The following DUOXA1 variants were observed in gnomAD, a reference collection of about 807,000 sequenced individuals.
DUOXA1 encodes dual oxidase maturation factor 1.
Under a neutral mutation model 26.6 loss-of-function variants are expected in DUOXA1, and 19 were observed. The observed-to-expected ratio is 0.71, with a 90% confidence interval of 0.50 to 1.05. The LOEUF (loss-of-function observed/expected upper bound fraction) is 1.05, where lower values mean the gene tolerates loss of function less well. DUOXA1 is among the 50% of genes least tolerant of loss of function. The pLI, the probability that DUOXA1 is intolerant of heterozygous loss-of-function variation, is 0.00. For missense variants in DUOXA1, 403 were observed against 427.5 expected (o/e 0.94, Z 0.51); for synonymous variants, 166 against 177.0 (o/e 0.94, Z 0.49).
At chr15:45,119,652 C>G (rs1894963421) in intron 8 of DUOXA1, among the ~76,000 whole-genome samples, 1 of 151,758 alleles carries the variant, frequency 6.6e-6, no homozygotes, top group East Asian at 1.9e-4. Context: ...AGAAAAAAAC[C>G]CTGGGGAAGG....
chr15:45,118,277 A>G lies in DUOXA1; in HGVS notation c.*829T>C, dbSNP rs1245202291. ...CCTCTAGTGAGGCCGGAGGGACCCT[A>G]CCAGAGCTAGCATCTTTCTGAACCA... is the stretch of plus-strand genomic sequence containing the variant. On this transcript the variant is annotated 3_prime_UTR_variant, in exon 9 of 9. Coordinates refer to ENST00000560572, the MANE Select transcript of DUOXA1 (RefSeq NM_001276266.2). 9 of 1,359,668 alleles carry G rather than the reference A, an allele frequency of 6.6e-6. No individual in the cohort carries two copies. The highest frequency in any genetic ancestry group is 8.5e-6 in the Non-Finnish European group (9 of 1,061,656). The allele number at this position is 1,359,668 out of a possible 1,614,324, so 84.2% of individuals were successfully genotyped here.
intron 8 of DUOXA1, 61 bp downstream of exon 8, chr15:45,120,042 C>T (rs1379996630): frequency 8.8e-6 from 14 of 1,591,224 alleles, no homozygotes; most frequent in Non-Finnish European, 1.1e-5. Flanking sequence ...ACATGATGCC[C>T]CCAGGCCCTC....
intron 3 of DUOXA1, among the ~76,000 whole-genome samples, chr15:45,126,078 C>G (rs576180692): frequency 1.3e-5 from 2 of 152,178 alleles, no homozygotes; most frequent in African/African-American, 4.8e-5. Flanking sequence ...ACACCTGGAC[C>G]ATCTTACCTC....
chr15:45,117,550 G>A lies in DUOXA1; in HGVS notation c.*1556C>T. 3 of 1,577,544 alleles carry A rather than the reference G, an allele frequency of 1.9e-6. No homozygotes were observed. Among genetic ancestry groups the A allele is most frequent in the Non-Finnish European group, 2.6e-6 (3 of 1,160,768 alleles). On this transcript the variant is annotated 3_prime_UTR_variant, in exon 9 of 9. Transcript: ENST00000560572. The stretch of plus-strand genomic sequence containing the variant: ...GGTGTGTGGCGGGAGGTAACACAAG[G>A]GGTAGGCTCCAAAAGATGGAAGAAG...
chr15:45,119,240 C>A lies in DUOXA1; in HGVS notation c.898G>T (p.Gly300Cys). ...CGGTAGCGGGGGCTCAGGAGTCCAC[C>A]TTCCTCAGGACTCCACTCCAGCATG... ...DPMLEWSPEE[G>C]GLLSPRYRSM... The change falls in exon 9 of 9, where the codon GGT (glycine) becomes TGT (cysteine). Residue 300 changes from glycine (G) to cysteine (C), a missense_variant. Gly to Cys is a radical substitution (Grantham distance 159, BLOSUM62 -3). Coordinates refer to ENST00000560572, the MANE Select transcript of DUOXA1 (RefSeq NM_001276266.2). 1 of 1,614,146 alleles carries A rather than the reference C, an allele frequency of 6.2e-7. No individual in the cohort carries two copies. Among genetic ancestry groups the A allele is most frequent in the African/African-American group, 1.3e-5 (1 of 75,028 alleles).
intron 3 of DUOXA1, among the ~76,000 whole-genome samples, chr15:45,125,716 G>C (rs1477368513): frequency 6.6e-6 from 1 of 152,070 alleles, no homozygotes; most frequent in African/African-American, 2.4e-5. Flanking sequence ...AGGGGCTCCT[G>C]CTTTTGGCCA....
rs952716494 is a variant in DUOXA1, at chr15:45,118,175, C to A, written c.*931G>T. 6.3e-6 allele frequency: 9 copies of A among 1,435,650 alleles called. No homozygotes were observed. The African/African-American group carries it at 1.0e-4, about 16-fold the overall frequency. The allele number at this position is 1,435,650 out of a possible 1,614,324, so 88.9% of individuals were successfully genotyped here. On this transcript the variant is annotated 3_prime_UTR_variant, in exon 9 of 9. Transcript: ENST00000560572. ...GCACGTCCTCATGAGCTTCGCTGGG[C>A]TGGAGACAGCCTAGTACACTCTCCG...
At position 45,118,933 on chromosome 15, in the gene DUOXA1, T is replaced by G; in HGVS notation, c.*173A>C. On this transcript the variant is annotated 3_prime_UTR_variant, in exon 9 of 9. Coordinates refer to ENST00000560572, the MANE Select transcript of DUOXA1 (RefSeq NM_001276266.2). ...TCTTCAGTCCCTTAGGGCTTTTTGT[T>G]TTGTTTTGTTTTTTAACATCAGTAT... 7.5e-7 allele frequency: 1 copy of G among 1,338,262 alleles called. No homozygotes were observed. Among genetic ancestry groups the G allele is most frequent in the Non-Finnish European group, 9.6e-7 (1 of 1,046,600 alleles). 82.9% of individuals were successfully genotyped at this position (1,338,262 alleles called of 1,614,324 possible). A position where few individuals can be genotyped will look rare whatever the true frequency, so the allele number is the denominator to read the frequency against.
intron 3 of DUOXA1, among the ~76,000 whole-genome samples, chr15:45,126,115 C>T (rs1028657145): frequency 3.3e-5 from 5 of 152,238 alleles, no homozygotes; most frequent in African/African-American, 1.2e-4. Context: ...ACTATCCATG[C>T]ATTTCCTTCT....
intron 3 of DUOXA1, among the ~76,000 whole-genome samples, chr15:45,126,015 C>T (rs955066991): frequency 2.0e-5 from 3 of 152,182 alleles, no homozygotes; most frequent in African/African-American, 7.2e-5. Flanking sequence ...GCTTTTTATT[C>T]TATTGTCTTT....
At position 45,117,815 on chromosome 15, in the gene DUOXA1, G is replaced by A. The variant is rs774881100; in HGVS notation, c.*1291C>T. 3 of 1,613,936 alleles carry A rather than the reference G, an allele frequency of 1.9e-6. No individual in the cohort carries two copies. Among genetic ancestry groups the A allele is most frequent in the Non-Finnish European group, 2.5e-6 (3 of 1,180,050 alleles). ...CTGGACCAAAGCGCCAAGGACTGCA[G>A]CCAGGAGAGAGGGGGCTCACCTCTT... On this transcript the variant is annotated 3_prime_UTR_variant, in exon 9 of 9. Transcript: ENST00000560572.
At position 45,120,764 on chromosome 15, in the gene DUOXA1, CGTT is replaced by C; in HGVS notation, c.379_381del (p.Asn127del). 3.7e-6 allele frequency: 6 copies of C among 1,614,098 alleles called. No homozygotes were observed. Among genetic ancestry groups the C allele is most frequent in the Non-Finnish European group, 5.1e-6 (6 of 1,179,990 alleles). On this transcript the variant is annotated inframe_deletion, in exon 7 of 9. Coordinates refer to ENST00000560572, the MANE Select transcript of DUOXA1 (RefSeq NM_001276266.2). ...TCACCCAGGCGCCAGGTGAACTCCT[CGTT>C]GTAATTGATGGTCTCATTCAGCTGC...
chr15:45,128,942 C>G (rs1298615184), intron 3 of DUOXA1, 76 bp downstream of exon 3: 1 of 152,206 alleles, frequency 6.6e-6, no homozygotes, highest in Non-Finnish European at 1.5e-5. Context: ...TCAAGACCCC[C>G]TCCAAAATCA....
chr15:45,124,637 G>A (rs1188635029), intron 3 of DUOXA1, among the ~76,000 whole-genome samples: 1 of 152,150 alleles, frequency 6.6e-6, no homozygotes, highest in Non-Finnish European at 1.5e-5. Flanking sequence ...AGCCACCTGA[G>A]TAGCTGGGAT....
In DUOXA1 at chr15:45,118,505, T is replaced by A; in HGVS notation, c.*601A>T. 1 of 996,062 alleles carries A rather than the reference T, an allele frequency of 1.0e-6. No individual in the cohort carries two copies. The highest frequency in any genetic ancestry group is 1.2e-6 in the Non-Finnish European group (1 of 837,258). The allele number at this position is 996,062 out of a possible 1,614,324, so 61.7% of individuals were successfully genotyped here. A position where few individuals can be genotyped will look rare whatever the true frequency, so the allele number is the denominator to read the frequency against. The stretch of plus-strand genomic sequence containing the variant: ...AGGCATAGAAAGATAAATCCCAAGA[T>A]TCTTGGCAAGTCTTGCAATCTTATG... On this transcript the variant is annotated 3_prime_UTR_variant, in exon 9 of 9. Coordinates refer to ENST00000560572, the MANE Select transcript of DUOXA1 (RefSeq NM_001276266.2).
Position 45,117,428 on chromosome 15 carries a change from C to A in DUOXA1, c.*1678G>T. Reference sequence around the variant, plus strand: ...ACCCTATTTGCCCCTCTCAATAGTTCGCAGAAACAGGCACTGTTATGACCA... The same window carrying A: ...ACCCTATTTGCCCCTCTCAATAGTTAGCAGAAACAGGCACTGTTATGACCA... On this transcript the variant is annotated 3_prime_UTR_variant, in exon 9 of 9. Transcript: ENST00000560572. 6.6e-7 allele frequency: 1 copy of A among 1,523,016 alleles called. No individual in the cohort carries two copies. 94.3% of individuals were successfully genotyped at this position (1,523,016 alleles called of 1,614,324 possible). A position where few individuals can be genotyped will look rare whatever the true frequency, so the allele number is the denominator to read the frequency against.
chr15:45,120,864 A>G, intron 6 of DUOXA1, 59 bp from the exon 7 acceptor site: 2 of 1,574,926 alleles, frequency 1.3e-6, no homozygotes, highest in East Asian at 2.2e-5. Flanking sequence ...GGGCCTAGGT[A>G]GGGACTCACC....
rs1566983847 is a variant in DUOXA1, at chr15:45,117,576, G to T, written c.*1530C>A. ...GGTAGGCTCCAAAAGATGGAAGAAG[G>T]CCCGGGCATCACGCCTGTAATCCCA... On this transcript the variant is annotated 3_prime_UTR_variant, in exon 9 of 9. Coordinates refer to ENST00000560572, the MANE Select transcript of DUOXA1 (RefSeq NM_001276266.2). The T allele has an allele frequency of 2.5e-6, 4 of 1,603,546 alleles. No individual in the cohort carries two copies. Among genetic ancestry groups the T allele is most frequent in the Non-Finnish European group, 3.4e-6 (4 of 1,174,646 alleles).
At chr15:45,123,898 A>C (rs1430168008) in intron 3 of DUOXA1, among the ~76,000 whole-genome samples, 4 of 152,212 alleles carry the variant, frequency 2.6e-5, no homozygotes, top group African/African-American at 9.7e-5. Flanking sequence ...ACCTGAACTT[A>C]ATGTGTTTAG....
Sources: allele counts gnomAD v4.1 joint callset (sites outside exome capture counted in the v4.1 genomes callset), GRCh38; gene constraint gnomAD v4.1.1; transcripts MANE v1.5; gene names NCBI Gene and HGNC (gene_info 2026-07-23, HGNC 2026-07-21).